STK32B: variants seen among roughly 807,000 people sequenced by gnomAD.
STK32B encodes the protein serine/threonine-protein kinase 32B.
Under a neutral mutation model 52.6 loss-of-function variants are expected in STK32B, and 43 were observed. The ratio of observed to expected loss-of-function variants is 0.82; its 90% CI spans 0.64 to 1.05. The LOEUF is 1.05. Ranked by LOEUF, STK32B falls within the 50% of genes least tolerant of loss-of-function variation. STK32B has a pLI of 0.00. For synonymous variants in STK32B, 238 were observed against 204.3 expected, an observed-to-expected ratio of 1.17 and a Z score of -1.41; for missense variants, 621 against 534.6, an observed-to-expected ratio of 1.16 and a Z score of -1.59.
At chr4:5,196,526 A>G (rs1247279202) in intron 3 of STK32B, among the ~76,000 whole-genome samples, 1 of 151,230 alleles carries the variant, frequency 6.6e-6, no homozygotes, top group Non-Finnish European at 1.5e-5. Flanking sequence ...TTTGAGACCA[A>G]CCTGACCAAC....
At chr4:5,452,173 T>C (rs6847864) in intron 7 of STK32B, among the ~76,000 whole-genome samples, 8,546 of 152,198 alleles carry the variant, frequency 0.056, 451 homozygotes, top group African/African-American at 0.14. Flanking sequence ...TGCTCACCCA[T>C]CAACCACCTC....
intron 1 of STK32B, among the ~76,000 whole-genome samples, chr4:5,064,178 T>A (rs11729453): frequency 1.3e-5 from 2 of 150,286 alleles, no homozygotes; most frequent in South Asian, 4.1e-4. Flanking sequence ...GCTTTCCTTG[T>A]GGTTTCCTTG....
In STK32B at chr4:5,372,124, C is replaced by A. The variant is rs995314834; in HGVS notation, c.435-26083C>A. On this transcript the variant is annotated intron_variant, in intron 4 of 11. Transcript: ENST00000282908. Reference sequence around the variant, plus strand: ...ATAACCTTAGCCAACAGCTGAGCAACCCCTTGGAGGAGAATGCATACCTGC... The same window carrying A: ...ATAACCTTAGCCAACAGCTGAGCAAACCCTTGGAGGAGAATGCATACCTGC... Among the ~76,000 whole-genome samples the A allele has an allele frequency of 3.9e-5, 6 of 152,214 alleles. No homozygotes were observed. In the East Asian group the frequency reaches 7.7e-4, roughly 20 times the overall value.
chr4:5,168,922 A>G (rs1196967232), intron 3 of STK32B, among the ~76,000 whole-genome samples: 1 of 152,204 alleles, frequency 6.6e-6, no homozygotes, highest in Non-Finnish European at 1.5e-5. Flanking sequence ...CCCATGTTTC[A>G]GAACTTTCAC....
intron 3 of STK32B, among the ~76,000 whole-genome samples, chr4:5,265,588 A>G (rs1727006632): frequency 6.6e-6 from 1 of 152,164 alleles, no homozygotes. Flanking sequence ...TCCAAACCAC[A>G]CCAAGAACAG....
At chr4:5,221,967 T>G (rs895816861) in intron 3 of STK32B, among the ~76,000 whole-genome samples, 1 of 152,104 alleles carries the variant, frequency 6.6e-6, no homozygotes, top group Non-Finnish European at 1.5e-5. Flanking sequence ...ATTAAGGCCC[T>G]TATAAAAGAG....
At chr4:5,417,716 A>G (rs1159458497) in intron 6 of STK32B, among the ~76,000 whole-genome samples, 1 of 152,036 alleles carries the variant, frequency 6.6e-6, no homozygotes, top group African/African-American at 2.4e-5. Context: ...TTAATTCTGA[A>G]TGTCTATATT....
chr4:5,115,104 G>A (rs1404038122), intron 1 of STK32B, among the ~76,000 whole-genome samples: 1 of 152,178 alleles, frequency 6.6e-6, no homozygotes, highest in Non-Finnish European at 1.5e-5. Flanking sequence ...GAAGCTAAAG[G>A]ATTTGGGCAA....
Position 5,170,695 on chromosome 4 carries a change from A to C in STK32B, c.260+2245A>C, listed in dbSNP as rs1719299346. 2.6e-5 allele frequency among the ~76,000 whole-genome samples: 4 copies of C among 152,266 alleles called. No homozygotes were observed. The South Asian group carries it at 8.3e-4, about 32-fold the overall frequency. ...TGGTGTATATGTGCCACATTTTCTT[A>C]ATCCAGTCTATCATTGTTGGACATT... On this transcript the variant is annotated intron_variant, in intron 3 of 11. Transcript: ENST00000282908.
At chr4:5,156,146 A>G (rs1416940332) in intron 2 of STK32B, among the ~76,000 whole-genome samples, 1 of 151,586 alleles carries the variant, frequency 6.6e-6, no homozygotes, top group East Asian at 1.9e-4. Context: ...ATACACACTC[A>G]TATGTATATG....
intron 3 of STK32B, among the ~76,000 whole-genome samples, chr4:5,252,928 A>T (rs1726039081): frequency 6.6e-6 from 1 of 151,920 alleles, no homozygotes; most frequent in Non-Finnish European, 1.5e-5. Flanking sequence ...GATTGTTGTA[A>T]CCCGCTCACT....
intron 1 of STK32B, 70 bp downstream of exon 1, chr4:5,051,985 CCTGCGGGGCACCGCATGCTG>C: frequency 6.5e-7 from 1 of 1,546,466 alleles, no homozygotes; most frequent in Non-Finnish European, 8.7e-7. Context: ...TCGGCCGAGC[CCTGCGGGGCACCGCATGCTG>C]CCCGGCGCGG....
chr4:5,174,191 G>T (rs1374933676), intron 3 of STK32B, among the ~76,000 whole-genome samples: 1 of 152,104 alleles, frequency 6.6e-6, no homozygotes, highest in Non-Finnish European at 1.5e-5. Context: ...GAGCCTATGT[G>T]TGTCTCTGCA....
chr4:5,066,587 G>A (rs1742434208), intron 1 of STK32B, among the ~76,000 whole-genome samples: 2 of 152,148 alleles, frequency 1.3e-5, no homozygotes, highest in Admixed American at 6.5e-5. Context: ...CTCACTGCAA[G>A]CTGTGTTCCC....
At chr4:5,332,820 T>G (rs1732367034) in intron 4 of STK32B, among the ~76,000 whole-genome samples, 1 of 152,228 alleles carries the variant, frequency 6.6e-6, no homozygotes, top group South Asian at 2.1e-4. Context: ...AAAAAGGACA[T>G]GAACTCATCA....
intron 4 of STK32B, among the ~76,000 whole-genome samples, chr4:5,372,276 T>C (rs994972754): frequency 3.1e-4 from 47 of 152,106 alleles, no homozygotes; most frequent in African/African-American, 1.1e-3. Flanking sequence ...GACCCATGAG[T>C]GAAGGAGGAG....
At chr4:5,431,719 G>A (rs1713600149) in intron 6 of STK32B, among the ~76,000 whole-genome samples, 1 of 152,130 alleles carries the variant, frequency 6.6e-6, no homozygotes, top group African/African-American at 2.4e-5. Flanking sequence ...TTAGTGAAAT[G>A]AGCTTTCTAT....
intron 3 of STK32B, among the ~76,000 whole-genome samples, chr4:5,231,383 G>A (rs1724256581): frequency 6.6e-6 from 1 of 152,152 alleles, no homozygotes; most frequent in South Asian, 2.1e-4. Context: ...GGCTGAGGCG[G>A]AAAGATCGCT....
intron 1 of STK32B, among the ~76,000 whole-genome samples, chr4:5,117,954 C>T (rs1347297339): frequency 2.6e-5 from 4 of 152,082 alleles, no homozygotes; most frequent in African/African-American, 9.7e-5. Context: ...AATTCAGTTT[C>T]CTAGAATTTT....
Sources: allele counts gnomAD v4.1 joint callset (sites outside exome capture counted in the v4.1 genomes callset), GRCh38; gene constraint gnomAD v4.1.1; transcripts MANE v1.5; gene names NCBI Gene and HGNC (gene_info 2026-07-23, HGNC 2026-07-21).